GABRG3: variants seen among roughly 807,000 people sequenced by gnomAD.
GABRG3 encodes gamma-aminobutyric acid type A receptor subunit gamma3, also known as gamma-aminobutyric acid receptor subunit gamma-3.
GABRG3 carries 25 observed loss-of-function variants against 48.8 expected under a neutral mutation model. The observed-to-expected ratio is 0.51, with a 90% confidence interval of 0.37 to 0.72. The LOEUF (loss-of-function observed/expected upper bound fraction) is 0.72, where lower values mean the gene tolerates loss of function less well. GABRG3 is among the 30% of genes least tolerant of loss of function. GABRG3 has a pLI of 0.00. For missense variants in GABRG3, 394 were observed against 577.9 expected, an observed-to-expected ratio of 0.68 and a Z score of 3.26; for synonymous variants, 227 against 217.6, an observed-to-expected ratio of 1.04 and a Z score of -0.38.
chr15:27,214,825 C>G (rs554059169), intron 3 of GABRG3, among the ~76,000 whole-genome samples: 2 of 152,084 alleles, frequency 1.3e-5, no homozygotes, highest in Non-Finnish European at 2.9e-5. Flanking sequence ...AGGTGAGACT[C>G]ATCTCCTTCT....
intron 3 of GABRG3, among the ~76,000 whole-genome samples, chr15:27,068,767 GA>G (rs1185052777): frequency 3.9e-5 from 6 of 152,210 alleles, no homozygotes; most frequent in Non-Finnish European, 8.8e-5. Context: ...CAAAGAGAAA[GA>G]CTGAAGTGGG....
chr15:27,195,394 C>T (rs1888463560), intron 3 of GABRG3, among the ~76,000 whole-genome samples: 1 of 152,044 alleles, frequency 6.6e-6, no homozygotes, highest in Admixed American at 6.6e-5. Context: ...TGCAGTGGTG[C>T]AGTCTCAGCT....
intron 2 of GABRG3, among the ~76,000 whole-genome samples, chr15:26,978,348 AT>A (rs937675718): frequency 1.4e-3 from 213 of 148,966 alleles, no homozygotes; most frequent in African/African-American, 3.3e-3. Context: ...CAATTTATTG[AT>A]TTTTTTTTTA....
At chr15:27,087,913 G>GTGTGC (rs1486486831) in intron 3 of GABRG3, among the ~76,000 whole-genome samples, 7 of 149,978 alleles carry the variant, frequency 4.7e-5, no homozygotes, top group Non-Finnish European at 7.4e-5. Flanking sequence ...TGTGAGTGTG[G>GTGTGC]TGTGCTGTGG....
intron 3 of GABRG3, among the ~76,000 whole-genome samples, chr15:27,039,061 G>A (rs188795766): frequency 2.6e-5 from 4 of 152,330 alleles, no homozygotes; most frequent in African/African-American, 9.6e-5. Flanking sequence ...AAGTACAACG[G>A]GGACGAGTGG....
chr15:27,271,144 C>T (rs1891071385), intron 3 of GABRG3, among the ~76,000 whole-genome samples: 1 of 152,198 alleles, frequency 6.6e-6, no homozygotes, highest in African/African-American at 2.4e-5. Flanking sequence ...TCCCTCTGTC[C>T]TCCCATGCCA....
At chr15:27,192,512 C>T (rs190259448) in intron 3 of GABRG3, among the ~76,000 whole-genome samples, 7,264 of 152,248 alleles carry the variant, frequency 0.048, 227 homozygotes, top group South Asian at 0.078. Context: ...TCCAGTTGAT[C>T]GCATTGGCTC....
At chr15:27,480,331 C>A (rs1890067867) in intron 5 of GABRG3, among the ~76,000 whole-genome samples, 1 of 152,192 alleles carries the variant, frequency 6.6e-6, no homozygotes, top group South Asian at 2.1e-4. Flanking sequence ...CATTGACAAG[C>A]ACCTCCACTC....
chr15:27,384,548 G>A (rs780425716), intron 5 of GABRG3, among the ~76,000 whole-genome samples: 7 of 152,130 alleles, frequency 4.6e-5, no homozygotes, highest in Admixed American at 3.3e-4. Flanking sequence ...TTTAATTGAC[G>A]GAAGAGTTTA....
At chr15:27,199,641 G>A (rs932594923) in intron 3 of GABRG3, among the ~76,000 whole-genome samples, 9 of 151,986 alleles carry the variant, frequency 5.9e-5, no homozygotes, top group Admixed American at 5.2e-4. Flanking sequence ...GCTCCCTCTC[G>A]CCAGCTGATG....
chr15:27,277,513 T>C (rs144653629), intron 3 of GABRG3, among the ~76,000 whole-genome samples: 1 of 152,330 alleles, frequency 6.6e-6, no homozygotes, highest in East Asian at 1.9e-4. Context: ...CTGGAGGAGA[T>C]TGATAGCCAT....
chr15:27,322,783 C>G (rs1893477181), intron 3 of GABRG3, among the ~76,000 whole-genome samples: 1 of 152,074 alleles, frequency 6.6e-6, no homozygotes, highest in Non-Finnish European at 1.5e-5. Context: ...TGCTGATGCC[C>G]CTCTCAGTCG....
intron 7 of GABRG3, among the ~76,000 whole-genome samples, chr15:27,525,527 G>A (rs1259909452): frequency 6.6e-6 from 1 of 152,090 alleles, no homozygotes; most frequent in Admixed American, 6.5e-5. Flanking sequence ...AAGTTTCAGG[G>A]TGGGGGTGGA....
intron 3 of GABRG3, among the ~76,000 whole-genome samples, chr15:27,190,518 G>A (rs1298757498): frequency 6.6e-6 from 1 of 152,140 alleles, no homozygotes; most frequent in Non-Finnish European, 1.5e-5. Context: ...TTGCGTAGAG[G>A]TGTTTGTAGT....
chr15:27,306,659 AACATGTTTATATATAAACATATATATG>A, intron 3 of GABRG3, among the ~76,000 whole-genome samples: 2 of 56,456 alleles, frequency 3.5e-5, no homozygotes, highest in African/African-American at 8.8e-5. Flanking sequence ...CATATATATG[AACATGTTTATATATAAACATATATATG>A]AACATGTTTA....
chr15:27,352,142 GTGTT>G lies in GABRG3; in HGVS notation c.574+23258_574+23261del, dbSNP rs72414466. Reference sequence around the variant, plus strand: ...TGTGTATGTATGATGTGTGTATTGTGTGTTTGTGTATGGTGTGTGTGTTTGTGTA... The same window carrying G: ...TGTGTATGTATGATGTGTGTATTGTGTGTGTATGGTGTGTGTGTTTGTGTA... On this transcript the variant is annotated intron_variant, in intron 5 of 9. Transcript: ENST00000615808. This position sits in a 1 kb window ranked among gnomAD's most constrained non-coding sequence, Gnocchi z 4.0. Among the ~76,000 whole-genome samples, 1,712 of 148,796 alleles carry G rather than the reference GTGTT, an allele frequency of 0.012. 46 individuals carry two copies. Among genetic ancestry groups the G allele is most frequent in the East Asian group, 0.063 (319 of 5,072 alleles).
chr15:27,137,195 C>T (rs1255417350), intron 3 of GABRG3, among the ~76,000 whole-genome samples: 1 of 152,212 alleles, frequency 6.6e-6, no homozygotes. Flanking sequence ...GCCCCACACT[C>T]CCACGGTTAG....
intron 5 of GABRG3, among the ~76,000 whole-genome samples, chr15:27,372,988 A>C (rs1377196930): frequency 6.6e-6 from 1 of 152,182 alleles, no homozygotes; most frequent in Non-Finnish European, 1.5e-5. Context: ...CAGCTGGTTC[A>C]GTTTTCTTCA....
chr15:27,223,430 G>C, intron 3 of GABRG3, among the ~76,000 whole-genome samples: 1 of 152,124 alleles, frequency 6.6e-6, no homozygotes, highest in Non-Finnish European at 1.5e-5. Flanking sequence ...AAGGAACTCA[G>C]ATGAGACAAA....
Sources: gnomAD v4.1 joint callset for allele counts (sites outside exome capture counted in the v4.1 genomes callset) on GRCh38, gnomAD v4.1.1 for gene constraint, Gnocchi (gnomAD v3.1) non-coding constraint, MANE v1.5 for transcripts, NCBI Gene and HGNC (gene_info 2026-07-23, HGNC 2026-07-21) for gene names.